CLIC5: variants seen among roughly 807,000 people sequenced by gnomAD.
CLIC5 encodes CLIC family member 5, also known as chloride intracellular channel protein 5.
A neutral mutation model predicts 24.7 loss-of-function variants in CLIC5; 20 were observed. That is an observed-to-expected ratio of 0.81 (90% confidence interval 0.57 to 1.18). CLIC5 has a LOEUF of 1.18. CLIC5 is among the 50% of genes most tolerant of loss of function. The pLI is 0.00. For missense variants in CLIC5, 341 were observed against 326.1 expected (o/e 1.05, Z -0.35); for synonymous variants, 159 against 135.6 (o/e 1.17, Z -1.20).
intron 1 of CLIC5, among the ~76,000 whole-genome samples, chr6:46,000,764 G>T (rs1034074783): frequency 3.3e-5 from 5 of 152,058 alleles, no homozygotes; most frequent in Admixed American, 1.3e-4. Context: ...AACAGCATGG[G>T]GGAAACAACC....
rs555682320 is a variant in CLIC5 at position 45,988,230 on chromosome 6, T to C, written c.63+27250A>G. On this transcript the variant is annotated intron_variant, in intron 1 of 5. Coordinates refer to ENST00000339561, the MANE Select transcript of CLIC5 (RefSeq NM_016929.5). ...GAAATTGGAAAGAAGAGAGGGGTGA[T>C]GGGTCCCAAGCAAGTCCAAAACCTA... Among the ~76,000 whole-genome samples, 20 of 152,290 alleles carry C rather than the reference T, an allele frequency of 1.3e-4. No homozygotes were observed. In the South Asian group the frequency reaches 4.1e-3, roughly 32 times the overall value.
chr6:45,887,133 A>G (rs1156503009), intron 6 of CLIC5, among the ~76,000 whole-genome samples: 1 of 152,220 alleles, frequency 6.6e-6, no homozygotes, highest in African/African-American at 2.4e-5. Flanking sequence ...CACATGCTAG[A>G]CATTTTTAGA....
At chr6:46,000,280 G>T (rs1309678838) in intron 1 of CLIC5, among the ~76,000 whole-genome samples, 1 of 152,090 alleles carries the variant, frequency 6.6e-6, no homozygotes. Context: ...TTGTTTGGAG[G>T]TTAACTGTAT....
intron 2 of CLIC5, among the ~76,000 whole-genome samples, chr6:45,949,763 C>T (rs910506428): frequency 6.6e-6 from 1 of 152,174 alleles, no homozygotes; most frequent in African/African-American, 2.4e-5. Context: ...ATGCGCTACA[C>T]ATAATTCCAT....
At chr6:46,000,601 CG>C (rs1766318498) in intron 1 of CLIC5, among the ~76,000 whole-genome samples, 2 of 152,168 alleles carry the variant, frequency 1.3e-5, no homozygotes, top group African/African-American at 4.8e-5. Context: ...AATTGACTCA[CG>C]GTTCCGCAGG....
intron 1 of CLIC5, among the ~76,000 whole-genome samples, chr6:46,009,964 T>C (rs1766745481): frequency 6.6e-6 from 1 of 152,082 alleles, no homozygotes; most frequent in Non-Finnish European, 1.5e-5. Flanking sequence ...GGGCTCCAGC[T>C]TATGGAGCAG....
At chr6:45,893,645 A>G (rs1762371334), downstream of CLIC5, among the ~76,000 whole-genome samples, 1 of 152,146 alleles carries the variant, frequency 6.6e-6, no homozygotes, top group Non-Finnish European at 1.5e-5. Flanking sequence ...CCAAGAGCTC[A>G]ATGAATTGTG....
At chr6:45,918,432 G>T (rs1177976695) in intron 4 of CLIC5, among the ~76,000 whole-genome samples, 2 of 152,214 alleles carry the variant, frequency 1.3e-5, no homozygotes, top group Non-Finnish European at 2.9e-5. Context: ...CTCAGCCCTG[G>T]TTTGCTGGCA....
intron 1 of CLIC5, among the ~76,000 whole-genome samples, chr6:46,059,870 G>T (rs1483379299): frequency 6.6e-6 from 1 of 152,188 alleles, no homozygotes; most frequent in Non-Finnish European, 1.5e-5. Context: ...GTGGGGTATT[G>T]CTCAATAAAT....
the CLIC5 span, among the ~76,000 whole-genome samples, chr6:46,098,160 G>T: frequency 3.9e-5 from 6 of 152,166 alleles, no homozygotes; most frequent in Admixed American, 1.3e-4. Context: ...CAAAGGGACT[G>T]CAAGGAAAAT....
intron 3 of CLIC5, among the ~76,000 whole-genome samples, chr6:45,944,952 G>A (rs1764244406): frequency 6.6e-6 from 1 of 152,142 alleles, no homozygotes; most frequent in Non-Finnish European, 1.5e-5. Context: ...CGTGAAGGAC[G>A]TTAATGCATC....
chr6:46,029,070 A>T (rs1767425780), intron 1 of CLIC5, among the ~76,000 whole-genome samples: 1 of 152,110 alleles, frequency 6.6e-6, no homozygotes, highest in Admixed American at 6.6e-5. Flanking sequence ...CTACAGAATG[A>T]ACCTTTTTCA....
At chr6:45,950,167 C>A (rs1471749251) in intron 2 of CLIC5, among the ~76,000 whole-genome samples, 2 of 152,174 alleles carry the variant, frequency 1.3e-5, no homozygotes, top group South Asian at 2.1e-4. Context: ...TGAGAGAAAG[C>A]CTTACGATTC....
chr6:45,999,593 C>T (rs1004179507), intron 1 of CLIC5, among the ~76,000 whole-genome samples: 1 of 152,066 alleles, frequency 6.6e-6, no homozygotes, highest in African/African-American at 2.4e-5. Context: ...CTCTGTCACT[C>T]CCGAGAGAAT....
intron 4 of CLIC5, among the ~76,000 whole-genome samples, chr6:45,935,201 G>C (rs968051122): frequency 5.5e-5 from 8 of 146,102 alleles, no homozygotes; most frequent in Non-Finnish European, 1.2e-4. Context: ...AGGAATGACA[G>C]AGAGTGGGGG....
At chr6:46,047,963 A>T (rs1026906487) in intron 1 of CLIC5, among the ~76,000 whole-genome samples, 6 of 151,064 alleles carry the variant, frequency 4.0e-5, no homozygotes, top group African/African-American at 1.5e-4. Flanking sequence ...ATTTGTTTTA[A>T]TTCCTTTTCA....
intron 4 of CLIC5, chr6:45,918,891 T>C: frequency 1.1e-5 from 10 of 928,476 alleles, no homozygotes; most frequent in Non-Finnish European, 1.3e-5. Context: ...GAAAATATTA[T>C]TCATCGTCAT....
At chr6:45,979,638 T>G (rs1392787033) in intron 1 of CLIC5, among the ~76,000 whole-genome samples, 2 of 149,646 alleles carry the variant, frequency 1.3e-5, no homozygotes, top group African/African-American at 4.8e-5. Flanking sequence ...CTGGCCTCAG[T>G]TTTTACAGTT....
At chr6:46,020,617 G>A (rs1021784406), upstream of CLIC5, among the ~76,000 whole-genome samples, 15 of 151,580 alleles carry the variant, frequency 9.9e-5, no homozygotes, top group African/African-American at 3.1e-4. Flanking sequence ...TAAAACAATA[G>A]AGAAAATCAA....
Sources: gnomAD v4.1 joint callset for allele counts (sites outside exome capture counted in the v4.1 genomes callset) on GRCh38, gnomAD v4.1.1 for gene constraint, MANE v1.5 for transcripts, NCBI Gene and HGNC (gene_info 2026-07-23, HGNC 2026-07-21) for gene names.